CUBN: variants seen among roughly 807,000 people sequenced by gnomAD.
The protein encoded by CUBN is cubilin.
A neutral mutation model predicts 405.3 loss-of-function variants in CUBN; 282 were observed. The ratio of observed to expected loss-of-function variants is 0.70; its 90% CI spans 0.63 to 0.77. CUBN has a LOEUF of 0.77. Among genes scored for constraint, CUBN ranks in the 30% least tolerant of loss-of-function variants. The pLI, the probability that CUBN is intolerant of heterozygous loss-of-function variation, is 0.00. For missense variants in CUBN, 4,514 were observed against 4,475.2 expected, an observed-to-expected ratio of 1.01 and a Z score of -0.25; for synonymous variants, 1,684 against 1,617.0, an observed-to-expected ratio of 1.04 and a Z score of -0.99.
chr10:16,957,136 C>T (rs1588518991), intron 31 of CUBN, among the ~76,000 whole-genome samples: 2 of 152,212 alleles, frequency 1.3e-5, no homozygotes, highest in African/African-American at 4.8e-5. Flanking sequence ...GAACTTATTC[C>T]TCTTACCTAA....
chr10:17,108,698 C>T (rs1836696574), intron 10 of CUBN, among the ~76,000 whole-genome samples: 1 of 152,070 alleles, frequency 6.6e-6, no homozygotes, highest in African/African-American at 2.4e-5. Context: ...CTAAACATGA[C>T]TGTGAAGGGA....
chr10:17,036,606 G>C (rs1325821974), intron 27 of CUBN, among the ~76,000 whole-genome samples: 3 of 152,002 alleles, frequency 2.0e-5, no homozygotes, highest in Non-Finnish European at 4.4e-5. Context: ...GGCTGCCAGG[G>C]GGCTGAAGGG....
rs573232712 is a variant in CUBN at position 16,896,730 on chromosome 10, G to A, written c.8598+2266C>T. 1.8e-4 allele frequency among the ~76,000 whole-genome samples: 27 copies of A among 152,294 alleles called. No individual in the cohort carries two copies. In the East Asian group the frequency reaches 5.2e-3, roughly 29 times the overall value. On this transcript the variant is annotated intron_variant, in intron 54 of 66. Transcript: ENST00000377833. Reference sequence around the variant, plus strand: ...TTTGCCAAATTTGGGAAAGTTTACAGCCACTAGTTCTTTGATTGTTCTTTC... The same window carrying A: ...TTTGCCAAATTTGGGAAAGTTTACAACCACTAGTTCTTTGATTGTTCTTTC...
At chr10:17,046,184 C>G (rs932680679) in intron 23 of CUBN, 90 bp from the exon 24 acceptor site, 2 of 1,183,284 alleles carry the variant, frequency 1.7e-6, no homozygotes, top group Admixed American at 1.8e-5. Context: ...GGATTGCAAA[C>G]ATTAGCAGTT....
In CUBN at chr10:17,122,798, T is replaced by G; in HGVS notation, c.590A>C (p.Tyr197Ser). 2 of 1,596,980 alleles carry G rather than the reference T, an allele frequency of 1.3e-6. No individual in the cohort carries two copies. The highest frequency in any genetic ancestry group is 1.7e-6 in the Non-Finnish European group (2 of 1,166,258). Residue 197 changes from tyrosine to serine, a missense_variant, in exon 6 of 67, where the codon TAC (tyrosine) becomes TCC (serine). Tyr to Ser is a moderately radical substitution (Grantham distance 144, BLOSUM62 -2). Around this residue, in one of 5 missense-constraint regions of CUBN, gnomAD observed 1,448 missense variants for 1,388.0 expected, o/e 1.04. Transcript: ENST00000377833. ...CAAAAAAAAAAAAAAAAGTTACCTG[T>G]AACTTCCCATTGTATTAACACATGT... Reference protein sequence around the residue: ...GGTCVNTMGSYSCHCPPETYG... With the variant: ...GGTCVNTMGSSSCHCPPETYG...
chr10:16,842,716 T>C (rs1457911300), intron 60 of CUBN, among the ~76,000 whole-genome samples: 2 of 152,262 alleles, frequency 1.3e-5, no homozygotes, highest in East Asian at 3.8e-4. Flanking sequence ...GCTCCTGCTC[T>C]GTCTAAAATG....
At chr10:17,118,115 A>G (rs907876267) in intron 6 of CUBN, among the ~76,000 whole-genome samples, 1 of 152,222 alleles carries the variant, frequency 6.6e-6, no homozygotes, top group Non-Finnish European at 1.5e-5. Context: ...CTGGGAGATG[A>G]GTAGGCATTA....
At chr10:16,994,231 A>G (rs1413282599) in intron 28 of CUBN, among the ~76,000 whole-genome samples, 1 of 152,198 alleles carries the variant, frequency 6.6e-6, no homozygotes, top group African/African-American at 2.4e-5. Flanking sequence ...GCATCTGCCC[A>G]TAATACAAGC....
intron 56 of CUBN, among the ~76,000 whole-genome samples, chr10:16,878,190 A>T (rs1407520488): frequency 6.6e-6 from 1 of 152,184 alleles, no homozygotes; most frequent in Non-Finnish European, 1.5e-5. Flanking sequence ...CAGGAGGCTG[A>T]GGCAAGAGAA....
At chr10:16,978,407 T>C (rs903546050) in intron 31 of CUBN, among the ~76,000 whole-genome samples, 3 of 152,242 alleles carry the variant, frequency 2.0e-5, no homozygotes, top group Non-Finnish European at 4.4e-5. Context: ...AAATGGTCTT[T>C]GTCAGGAGAG....
chr10:17,110,808 C>A, intron 9 of CUBN, 111 bp downstream of exon 9: 1 of 1,506,084 alleles, frequency 6.6e-7, no homozygotes, highest in East Asian at 2.3e-5. Flanking sequence ...CAGGCATGAG[C>A]AACTGCACTC....
At chr10:17,002,544 G>A (rs1833921868) in intron 28 of CUBN, among the ~76,000 whole-genome samples, 1 of 152,154 alleles carries the variant, frequency 6.6e-6, no homozygotes, top group East Asian at 1.9e-4. Flanking sequence ...GGAATGGGGA[G>A]GCGAGACTCC....
intron 28 of CUBN, among the ~76,000 whole-genome samples, chr10:16,997,945 G>A (rs905137944): frequency 6.6e-6 from 1 of 152,250 alleles, no homozygotes; most frequent in East Asian, 1.9e-4. Context: ...TTTTTCTGAG[G>A]GATTTAGTCA....
At chr10:16,975,284 G>A (rs1833057393) in intron 31 of CUBN, among the ~76,000 whole-genome samples, 1 of 152,138 alleles carries the variant, frequency 6.6e-6, no homozygotes, top group Non-Finnish European at 1.5e-5. Flanking sequence ...TTTCACTCCT[G>A]CTGTTTCCTC....
intron 57 of CUBN, among the ~76,000 whole-genome samples, chr10:16,876,006 G>C (rs907762636): frequency 6.6e-6 from 1 of 152,226 alleles, no homozygotes; most frequent in Non-Finnish European, 1.5e-5. Flanking sequence ...CAAACTGTGG[G>C]AGTCAGGATG....
chr10:16,965,862 G>C (rs1433292155), intron 31 of CUBN: 2 of 429,340 alleles, frequency 4.7e-6, no homozygotes, highest in African/African-American at 4.1e-5. Flanking sequence ...GTTCCACTTT[G>C]CAGCAGGGAA....
chr10:16,940,634 C>G (rs949813965), intron 36 of CUBN, among the ~76,000 whole-genome samples: 7 of 152,130 alleles, frequency 4.6e-5, no homozygotes, highest in African/African-American at 1.7e-4. Context: ...TGGAAATATA[C>G]ATGTGAGCTG....
At chr10:16,876,407 T>G (rs1053180473) in intron 57 of CUBN, among the ~76,000 whole-genome samples, 2 of 152,228 alleles carry the variant, frequency 1.3e-5, no homozygotes, top group African/African-American at 4.8e-5. Context: ...ATAGCATAGT[T>G]GAATATATCA....
intron 27 of CUBN, among the ~76,000 whole-genome samples, chr10:17,030,094 G>C (rs1176005047): frequency 6.6e-6 from 1 of 152,218 alleles, no homozygotes; most frequent in Non-Finnish European, 1.5e-5. Flanking sequence ...TCGAATGCCT[G>C]ATAATCTGTC....
Sources: gnomAD v4.1 joint callset for allele counts (sites outside exome capture counted in the v4.1 genomes callset) on GRCh38, gnomAD v4.1.1 for gene constraint, gnomAD v4.1.1 regional missense constraint, MANE v1.5 for transcripts, NCBI Gene and HGNC (gene_info 2026-07-23, HGNC 2026-07-21) for gene names.